LRRC75A: variants seen among roughly 807,000 people sequenced by gnomAD.
The protein encoded by LRRC75A is leucine-rich repeat-containing protein 75A.
In LRRC75A, 12 loss-of-function variants were observed where a neutral mutation model predicts 26.0. That is an observed-to-expected ratio of 0.46 (90% CI 0.30 to 0.75). The LOEUF is 0.75. Among genes scored for constraint, LRRC75A ranks in the 30% least tolerant of loss-of-function variants. The pLI is 0.08. For missense variants in LRRC75A, 410 were observed against 486.6 expected (o/e 0.84, Z 1.48); for synonymous variants, 223 against 219.3 (o/e 1.02, Z -0.15).
rs557675254 is a variant in LRRC75A, at chr17:16,462,570, G to C, written c.247-184C>G. 6.6e-6 allele frequency among the ~76,000 whole-genome samples: 1 copy of C among 152,340 alleles called. No homozygotes were observed. The highest frequency in any genetic ancestry group is 1.5e-5 in the Non-Finnish European group (1 of 68,030). On this transcript the variant is annotated intron_variant, in intron 1 of 3. Transcript: ENST00000470794. This position sits in a 1 kb window ranked among gnomAD's most constrained non-coding sequence, Gnocchi z 4.6. ...CTCTCCTGTTTGTCTTTGCCTCCAA[G>C]TTGAGGAAGAGCAGGGACTGGCCTC...
At position 16,492,033 on chromosome 17, in the gene LRRC75A, C is replaced by G. The variant is rs1421730487; in HGVS notation, c.-43G>C. ...GGACTCTCCGCTCTGGGCCGCGAGG[C>G]CGCGTCCCCGCCAACCGCCCGCCCC... On this transcript the variant is annotated 5_prime_UTR_variant, in exon 1 of 4. Transcript: ENST00000470794. 3 of 1,117,840 alleles carry G rather than the reference C, an allele frequency of 2.7e-6. No homozygotes were observed. The African/African-American group carries it at 5.0e-5, about 19-fold the overall frequency. The allele number at this position is 1,117,840 out of a possible 1,614,324, so 69.2% of individuals were successfully genotyped here.
chr17:16,448,013 T>C (rs2093600842), intron 2 of LRRC75A, 53 bp from the exon 3 acceptor site: 1 of 1,457,894 alleles, frequency 6.9e-7, no homozygotes, highest in Non-Finnish European at 9.4e-7. Context: ...TGCACCAGTC[T>C]CAGCCCCCAG....
At chr17:16,444,683 C>T (rs1462365599) in intron 3 of LRRC75A, among the ~76,000 whole-genome samples, 1 of 151,888 alleles carries the variant, frequency 6.6e-6, no homozygotes, top group Non-Finnish European at 1.5e-5. Flanking sequence ...GCTGCTGACT[C>T]CTGGAGGCTG....
intron 2 of LRRC75A, among the ~76,000 whole-genome samples, chr17:16,448,518 C>T (rs1354597556): frequency 4.6e-5 from 7 of 152,194 alleles, no homozygotes; most frequent in African/African-American, 1.2e-4. Flanking sequence ...CATTCACATG[C>T]GTTCCTGTCA....
intron 3 of LRRC75A, among the ~76,000 whole-genome samples, chr17:16,444,740 C>T (rs940179505): frequency 6.6e-6 from 1 of 151,920 alleles, no homozygotes; most frequent in African/African-American, 2.4e-5. Context: ...AGAGCCCAGG[C>T]AGTTCAAGCT....
intron 1 of LRRC75A, among the ~76,000 whole-genome samples, chr17:16,483,020 C>T (rs567928176): frequency 5.9e-5 from 9 of 152,216 alleles, no homozygotes; most frequent in African/African-American, 1.9e-4. Flanking sequence ...TGGAGAGCAG[C>T]CCCTCAGAGA....
chr17:16,447,897 G>A lies in LRRC75A; in HGVS notation c.439C>T (p.His147Tyr). 6.4e-7 allele frequency: 1 copy of A among 1,550,554 alleles called. No homozygotes were observed. Among genetic ancestry groups the A allele is most frequent in the Non-Finnish European group, 8.7e-7 (1 of 1,146,848 alleles). ...CRQLTYHLSP[H>Y]SQWRRHRGLV... ...CCCCGGTGCCGCCTCCACTGGGAGT[G>A]GGGGCTGAGGTGGTATGTCAGCTGC... The change falls in exon 3 of 4, where the codon CAC becomes TAC. Residue 147 changes from histidine (H) to tyrosine (Y), a missense_variant. His to Tyr is a moderately conservative substitution (Grantham distance 83). Transcript: ENST00000470794.
chr17:16,490,276 T>TA (rs61610116), intron 1 of LRRC75A, among the ~76,000 whole-genome samples: 8,349 of 152,280 alleles, frequency 0.055, 787 homozygotes, highest in African/African-American at 0.19. Context: ...GGTGTGTAAA[T>TA]AGGATACCAT....
chr17:16,456,238 G>A (rs1291782917), intron 2 of LRRC75A, among the ~76,000 whole-genome samples: 3 of 139,878 alleles, frequency 2.1e-5, no homozygotes, highest in Admixed American at 1.4e-4. Context: ...GAGGAGAAAG[G>A]AGGAGAAGAA....
At chr17:16,476,902 C>T (rs183507189) in intron 1 of LRRC75A, among the ~76,000 whole-genome samples, 1 of 151,948 alleles carries the variant, frequency 6.6e-6, no homozygotes, top group Admixed American at 6.6e-5. Context: ...CCACGCCTGG[C>T]TAATTTTTTG....
intron 2 of LRRC75A, among the ~76,000 whole-genome samples, chr17:16,450,107 C>T (rs956752649): frequency 6.6e-6 from 1 of 152,156 alleles, no homozygotes; most frequent in Admixed American, 6.5e-5. Context: ...TGGTTCAAGC[C>T]ACTGTCAGCC....
At chr17:16,476,890 C>T (rs1338177068) in intron 1 of LRRC75A, among the ~76,000 whole-genome samples, 1 of 152,056 alleles carries the variant, frequency 6.6e-6, no homozygotes, top group Non-Finnish European at 1.5e-5. Context: ...AGGCGCCCAC[C>T]ACCACGCCTG....
intron 2 of LRRC75A, among the ~76,000 whole-genome samples, chr17:16,450,526 C>CTGTCACTCCTGTG (rs2093622954): frequency 1.3e-5 from 2 of 152,232 alleles, no homozygotes; most frequent in Non-Finnish European, 2.9e-5. Flanking sequence ...TGTGTTACAC[C>CTGTCACTCCTGTG]TGTCACTCCT....
intron 3 of LRRC75A, 109 bp from the exon 4 acceptor site, chr17:16,444,240 C>T (rs1282628861): frequency 3.7e-5 from 35 of 938,210 alleles, no homozygotes; most frequent in Non-Finnish European, 4.8e-5. Flanking sequence ...ACTGCTTTTA[C>T]GAAACACTTG....
At chr17:16,459,656 G>C (rs192889984) in intron 2 of LRRC75A, among the ~76,000 whole-genome samples, 1 of 152,166 alleles carries the variant, frequency 6.6e-6, no homozygotes, top group African/African-American at 2.4e-5. Flanking sequence ...CCTTTGGAAC[G>C]AGCTCTCCGG....
At chr17:16,455,466 T>C (rs34857043) in intron 2 of LRRC75A, among the ~76,000 whole-genome samples, 59,036 of 151,344 alleles carry the variant, frequency 0.39, 11,850 homozygotes, top group African/African-American at 0.44. Context: ...GCAACCTCCA[T>C]CTCCCAGATT....
intron 1 of LRRC75A, among the ~76,000 whole-genome samples, chr17:16,464,938 C>T (rs571631700): frequency 1.3e-5 from 2 of 152,352 alleles, no homozygotes; most frequent in South Asian, 2.1e-4. Context: ...TGGCCCAGTG[C>T]CTGGTTTGCC....
intron 2 of LRRC75A, among the ~76,000 whole-genome samples, chr17:16,461,942 A>G (rs528504473): frequency 9.9e-5 from 15 of 152,238 alleles, no homozygotes; most frequent in African/African-American, 3.6e-4. Flanking sequence ...AGGGATGGCT[A>G]CTTAGCTCCA....
At chr17:16,469,636 T>G (rs2093795440) in intron 1 of LRRC75A, among the ~76,000 whole-genome samples, 2 of 152,260 alleles carry the variant, frequency 1.3e-5, no homozygotes, top group South Asian at 4.1e-4. Flanking sequence ...TATGTGACTC[T>G]GACCTTGAGA....
Sources: allele counts gnomAD v4.1 joint callset (sites outside exome capture counted in the v4.1 genomes callset), GRCh38; gene constraint gnomAD v4.1.1; non-coding constraint Gnocchi (gnomAD v3.1); transcripts MANE v1.5; gene names NCBI Gene and HGNC (gene_info 2026-07-23, HGNC 2026-07-21).